MAP2K5: variants seen among roughly 807,000 people sequenced by gnomAD.
MAP2K5 encodes mitogen-activated protein kinase kinase 5.
A neutral mutation model predicts 83.1 loss-of-function variants in MAP2K5; 49 were observed. The observed-to-expected ratio is 0.59, with a 90% confidence interval of 0.47 to 0.75. The LOEUF is 0.75. Ranked by LOEUF, MAP2K5 falls within the 30% of genes least tolerant of loss-of-function variation. The probability of loss-of-function intolerance (pLI) is 0.00; values close to 1 mark genes in which losing one functional copy is unlikely to be tolerated. For missense variants in MAP2K5, 457 were observed against 557.5 expected (o/e 0.82, Z 1.82); for synonymous variants, 202 against 191.8 (o/e 1.05, Z -0.44).
chr15:67,775,532 C>A lies in MAP2K5; in HGVS notation c.1242+2780C>A, dbSNP rs184720175. ...ATAATTGAATTTGTTAGTTGATATA[C>A]CATTGTGCACAGTCTTGTTCTAGAC... On this transcript the variant is annotated intron_variant, in intron 21 of 21. Coordinates refer to ENST00000178640, the MANE Select transcript of MAP2K5 (RefSeq NM_145160.3). The surrounding 1 kb of genome is among the most constrained non-coding windows in gnomAD (Gnocchi z 5.3). Among the ~76,000 whole-genome samples, 1 of 152,160 alleles carries A rather than the reference C, an allele frequency of 6.6e-6. No individual in the cohort carries two copies. Among genetic ancestry groups the A allele is most frequent in the African/African-American group, 2.4e-5 (1 of 41,428 alleles).
At chr15:67,628,549 T>C in intron 8 of MAP2K5, 1 of 985,644 alleles carries the variant, frequency 1.0e-6, no homozygotes, top group Non-Finnish European at 1.6e-6. Context: ...TTTTGAATAA[T>C]ATGGAAAAAT....
chr15:67,661,345 T>G (rs2087234461), intron 12 of MAP2K5, among the ~76,000 whole-genome samples: 1 of 152,112 alleles, frequency 6.6e-6, no homozygotes, highest in Non-Finnish European at 1.5e-5. Context: ...GTGTACTGTA[T>G]TTTGAGTGCT....
chr15:67,584,223 T>C (rs1404496435), intron 4 of MAP2K5, among the ~76,000 whole-genome samples: 1 of 152,212 alleles, frequency 6.6e-6, no homozygotes, highest in Non-Finnish European at 1.5e-5. Flanking sequence ...TTAGGAAATA[T>C]GAGGTTACTG....
At position 67,783,133 on chromosome 15, in the gene MAP2K5, T is replaced by C. The variant is rs2090357481; in HGVS notation, c.1242+10381T>C. On this transcript the variant is annotated intron_variant, in intron 21 of 21. Transcript: ENST00000178640. The surrounding 1 kb of genome is among the most constrained non-coding windows in gnomAD (Gnocchi z 5.1). ...GTGCATTTCAGTCTGCACTCGCCAT[T>C]TTTATGTCTTAGCATCTGCTCTGTG... Among the ~76,000 whole-genome samples the C allele has an allele frequency of 6.6e-6, 1 of 152,198 alleles. No homozygotes were observed. The highest frequency in any genetic ancestry group is 2.1e-4 in the South Asian group (1 of 4,832).
rs1035553153 is a variant in MAP2K5, at chr15:67,722,765, A to G, written c.1045-5151A>G. On this transcript the variant is annotated intron_variant, in intron 16 of 21. Transcript: ENST00000178640. The surrounding 1 kb of genome is among the most constrained non-coding windows in gnomAD (Gnocchi z 4.2). The stretch of plus-strand genomic sequence containing the variant: ...GTTCCAAAGTGGCTGCTGCATTTCT[A>G]TAAAATGAAGATTTAACTGCAGCGC... Among the ~76,000 whole-genome samples the G allele has an allele frequency of 1.3e-5, 2 of 152,186 alleles. No homozygotes were observed. Among genetic ancestry groups the G allele is most frequent in the Non-Finnish European group, 1.5e-5 (1 of 68,028 alleles).
At position 67,698,251 on chromosome 15, in the gene MAP2K5, G is replaced by A. The variant is rs1024115336; in HGVS notation, c.972+4683G>A. On this transcript the variant is annotated intron_variant, in intron 15 of 21. Transcript: ENST00000178640. The surrounding 1 kb of genome is among the most constrained non-coding windows in gnomAD (Gnocchi z 4.5). ...GTCCCCCAGGCTGGAGTGCAGTGGC[G>A]ATTGCAGCTCACCGCAACCTCTGTC... is the stretch of plus-strand genomic sequence containing the variant. 2.0e-5 allele frequency among the ~76,000 whole-genome samples: 3 copies of A among 151,870 alleles called. No homozygotes were observed. The highest frequency in any genetic ancestry group is 2.1e-4 in the South Asian group (1 of 4,806).
rs1302334522 is a variant in MAP2K5, at chr15:67,777,569, T to C, written c.1242+4817T>C. Among the ~76,000 whole-genome samples, 1 of 152,202 alleles carries C rather than the reference T, an allele frequency of 6.6e-6. No homozygotes were observed. Among genetic ancestry groups the C allele is most frequent in the East Asian group, 1.9e-4 (1 of 5,204 alleles). On this transcript the variant is annotated intron_variant, in intron 21 of 21. Coordinates refer to ENST00000178640, the MANE Select transcript of MAP2K5 (RefSeq NM_145160.3). This position sits in a 1 kb window ranked among gnomAD's most constrained non-coding sequence, Gnocchi z 6.0. ...GTATCACATACATATTAAAAACATA[T>C]ACCCATTCTATCTGTATGTAAATGC...
At chr15:67,795,806 G>T (rs2090595143) in intron 21 of MAP2K5, among the ~76,000 whole-genome samples, 1 of 152,174 alleles carries the variant, frequency 6.6e-6, no homozygotes, top group African/African-American at 2.4e-5. Context: ...TTCTAAGAGA[G>T]GTATGCTAAA....
chr15:67,723,205 CTTCT>C (rs1566942677), intron 16 of MAP2K5, among the ~76,000 whole-genome samples: 1 of 152,102 alleles, frequency 6.6e-6, no homozygotes, highest in African/African-American at 2.4e-5. Context: ...CAATAAATAA[CTTCT>C]TTTTGTTAAA....
intron 21 of MAP2K5, among the ~76,000 whole-genome samples, chr15:67,773,934 T>TA (rs2090188606): frequency 6.6e-6 from 1 of 152,208 alleles, no homozygotes; most frequent in Non-Finnish European, 1.5e-5. Flanking sequence ...ATAGCTCAGC[T>TA]GTTAAAACAA....
In MAP2K5 at chr15:67,736,197, G is replaced by T. The variant is rs948146395; in HGVS notation, c.1074+8252G>T. On this transcript the variant is annotated intron_variant, in intron 17 of 21. Coordinates refer to ENST00000178640, the MANE Select transcript of MAP2K5 (RefSeq NM_145160.3). The surrounding 1 kb of genome is among the most constrained non-coding windows in gnomAD (Gnocchi z 4.3). ...GCAAGTGTAGCAGGGACCAGATAAA[G>T]AAATTGGGTTTGAGAATTTTGTACA... is the stretch of plus-strand genomic sequence containing the variant. 6.6e-6 allele frequency among the ~76,000 whole-genome samples: 1 copy of T among 152,194 alleles called. No homozygotes were observed. The highest frequency in any genetic ancestry group is 1.5e-5 in the Non-Finnish European group (1 of 68,036).
At position 67,748,542 on chromosome 15, in the gene MAP2K5, T is replaced by A. The variant is rs777473373; in HGVS notation, c.1102-27T>A. 1 of 1,608,558 alleles carries A rather than the reference T, an allele frequency of 6.2e-7. No individual in the cohort carries two copies. Among genetic ancestry groups the A allele is most frequent in the African/African-American group, 1.3e-5 (1 of 74,804 alleles). The stretch of plus-strand genomic sequence containing the variant: ...AAAGATATTGCATAGAGGCTAATAC[T>A]TTTTCCTCTCTTCTTTTCCATTGCA... On this transcript the variant is annotated intron_variant, in intron 18 of 21. Coordinates refer to ENST00000178640, the MANE Select transcript of MAP2K5 (RefSeq NM_145160.3). The surrounding 1 kb of genome is among the most constrained non-coding windows in gnomAD (Gnocchi z 4.0).
chr15:67,661,411 G>A (rs2087236052), intron 12 of MAP2K5, among the ~76,000 whole-genome samples: 1 of 152,134 alleles, frequency 6.6e-6, no homozygotes, highest in Admixed American at 6.6e-5. Flanking sequence ...CAAGGAGCGA[G>A]TGATTGACAA....
intron 8 of MAP2K5, among the ~76,000 whole-genome samples, chr15:67,625,985 C>T (rs909160651): frequency 2.0e-5 from 3 of 152,138 alleles, no homozygotes; most frequent in Non-Finnish European, 4.4e-5. Flanking sequence ...TGGTCTCAAA[C>T]GTCCAGGTGT....
chr15:67,670,266 A>G (rs1412820857), intron 13 of MAP2K5, among the ~76,000 whole-genome samples: 1 of 152,120 alleles, frequency 6.6e-6, no homozygotes, highest in Non-Finnish European at 1.5e-5. Flanking sequence ...GCAAAATACA[A>G]TTTTCCATCC....
intron 6 of MAP2K5, among the ~76,000 whole-genome samples, chr15:67,590,915 A>G (rs912906751): frequency 2.0e-5 from 3 of 152,208 alleles, no homozygotes; most frequent in Admixed American, 1.3e-4. Flanking sequence ...AGTGGAGTAT[A>G]TAGAATACGT....
chr15:67,706,889 A>C (rs984461972), intron 16 of MAP2K5, among the ~76,000 whole-genome samples: 4 of 152,144 alleles, frequency 2.6e-5, no homozygotes. Flanking sequence ...GGGATTCAGT[A>C]GTGAAGGTTA....
Position 67,769,545 on chromosome 15 carries a change from T to C in MAP2K5, c.1135-57T>C. 1.3e-6 allele frequency: 2 copies of C among 1,520,008 alleles called. No individual in the cohort carries two copies. The highest frequency in any genetic ancestry group is 1.8e-6 in the Non-Finnish European group (2 of 1,095,300). The allele number at this position is 1,520,008 out of a possible 1,614,324, so 94.2% of individuals were successfully genotyped here. A position where few individuals can be genotyped will look rare whatever the true frequency, so the allele number is the denominator to read the frequency against. On this transcript the variant is annotated intron_variant, in intron 19 of 21. Transcript: ENST00000178640. The surrounding 1 kb of genome is among the most constrained non-coding windows in gnomAD (Gnocchi z 5.2). ...CCTTCACATGGGTGGGTGGGGAATA[T>C]AAAGAAAGAGAAGGAACTGTTGTGA...
At chr15:67,580,870 G>C in intron 4 of MAP2K5, 47 bp downstream of exon 4, 1 of 1,235,530 alleles carries the variant, frequency 8.1e-7, no homozygotes. Context: ...TCAGTAAACT[G>C]TTTCATCAAC....
Sources: allele counts gnomAD v4.1 joint callset (sites outside exome capture counted in the v4.1 genomes callset), GRCh38; gene constraint gnomAD v4.1.1; non-coding constraint Gnocchi (gnomAD v3.1); transcripts MANE v1.5; gene names NCBI Gene and HGNC (gene_info 2026-07-23, HGNC 2026-07-21).